Variants in NXN observed in about 807,000 individuals in gnomAD.
NXN encodes the protein nucleoredoxin 1.
A neutral mutation model predicts 48.6 loss-of-function variants in NXN; 16 were observed. The observed-to-expected ratio is 0.33, with a 90% CI of 0.22 to 0.50. NXN has a LOEUF of 0.50. Among genes scored for constraint, NXN ranks in the 20% least tolerant of loss-of-function variants. The pLI is 0.98. For missense variants in NXN, 492 were observed against 605.5 expected, an observed-to-expected ratio of 0.81 and a Z score of 1.97; for synonymous variants, 281 against 269.6, an observed-to-expected ratio of 1.04 and a Z score of -0.41.
intron 1 of NXN, among the ~76,000 whole-genome samples, chr17:863,180 T>C (rs1260618733): frequency 6.6e-6 from 1 of 151,294 alleles, no homozygotes; most frequent in East Asian, 1.9e-4. Flanking sequence ...CTGTCTTCTT[T>C]GTTTTTTTGA....
rs1324024865 is a variant in NXN at position 825,837 on chromosome 17, C to G, written c.478+124G>C. 5 of 659,510 alleles carry G rather than the reference C, an allele frequency of 7.6e-6. No individual in the cohort carries two copies. Among genetic ancestry groups the G allele is most frequent in the Admixed American group, 5.5e-5 (2 of 36,176 alleles). The allele number at this position is 659,510 out of a possible 1,614,324, so 40.9% of individuals were successfully genotyped here. On this transcript the variant is annotated intron_variant, in intron 2 of 7. Coordinates refer to ENST00000336868, the MANE Select transcript of NXN (RefSeq NM_022463.5). The surrounding 1 kb of genome is among the most constrained non-coding windows in gnomAD (Gnocchi z 4.1). ...TTCACCAAGACGACATTCTCTACCA[C>G]GTAAACCCACGTGTATCTATTTCAC... is the stretch of plus-strand genomic sequence containing the variant.
At chr17:946,754 C>G (rs2069048781) in intron 1 of NXN, among the ~76,000 whole-genome samples, 1 of 152,248 alleles carries the variant, frequency 6.6e-6, no homozygotes. Context: ...GCCAGCACAT[C>G]TCCGCATCGC....
intron 1 of NXN, chr17:863,942 A>G: frequency 6.6e-7 from 1 of 1,520,552 alleles, no homozygotes; most frequent in Non-Finnish European, 8.8e-7. Context: ...CCAGATCAGC[A>G]GCAGCAATGC....
intron 1 of NXN, among the ~76,000 whole-genome samples, chr17:928,877 T>G (rs191391959): frequency 2.4e-4 from 36 of 152,160 alleles, no homozygotes; most frequent in African/African-American, 8.4e-4. Context: ...AGAATACCGC[T>G]CACATGTGCA....
chr17:901,472 G>C (rs2068537185), intron 1 of NXN, among the ~76,000 whole-genome samples: 1 of 152,128 alleles, frequency 6.6e-6, no homozygotes, highest in African/African-American at 2.4e-5. Context: ...TGACTCAAAT[G>C]CTTCAGCTGC....
At chr17:839,513 G>C (rs1212638643) in intron 1 of NXN, among the ~76,000 whole-genome samples, 1 of 151,496 alleles carries the variant, frequency 6.6e-6, no homozygotes, top group Non-Finnish European at 1.5e-5. Flanking sequence ...GAGGATATCT[G>C]AAAAGAAAAA....
At chr17:876,213 G>GA (rs2068213423) in intron 1 of NXN, among the ~76,000 whole-genome samples, 1 of 146,532 alleles carries the variant, frequency 6.8e-6, no homozygotes, top group Non-Finnish European at 1.5e-5. Context: ...AGAAAGAAAA[G>GA]AAAAGAGAAA....
rs532645406 is a variant in NXN at position 978,001 on chromosome 17, C to G, written c.360+1318G>C. 2.0e-5 allele frequency among the ~76,000 whole-genome samples: 3 copies of G among 152,314 alleles called. No homozygotes were observed. Among genetic ancestry groups the G allele is most frequent in the South Asian group, 2.1e-4 (1 of 4,822 alleles). On this transcript the variant is annotated intron_variant, in intron 1 of 7. Coordinates refer to ENST00000336868, the MANE Select transcript of NXN (RefSeq NM_022463.5). This position sits in a 1 kb window ranked among gnomAD's most constrained non-coding sequence, Gnocchi z 4.1. The stretch of plus-strand genomic sequence containing the variant: ...CAACTGTATTTCATACTTTAAATCT[C>G]GAATCTCTACCTCCCACTGCTTCGG...
intron 1 of NXN, among the ~76,000 whole-genome samples, chr17:847,650 T>C (rs60451600): frequency 0.015 from 2,224 of 152,170 alleles, 62 homozygotes; most frequent in African/African-American, 0.051. Context: ...GTACCAAAGA[T>C]GCCTTTATAT....
intron 1 of NXN, among the ~76,000 whole-genome samples, chr17:828,941 C>T (rs552510504): frequency 5.3e-5 from 8 of 151,894 alleles, no homozygotes; most frequent in Non-Finnish European, 1.0e-4. Context: ...GGAAAAAAGT[C>T]GGGAAACAGC....
At chr17:802,728 C>T (rs1446503522) in intron 7 of NXN, among the ~76,000 whole-genome samples, 1 of 152,164 alleles carries the variant, frequency 6.6e-6, no homozygotes, top group East Asian at 1.9e-4. Context: ...TGACTGGAGC[C>T]GCCTGGGAAG....
intron 1 of NXN, among the ~76,000 whole-genome samples, chr17:924,395 G>A (rs114740582): frequency 0.012 from 1,770 of 152,212 alleles, 30 homozygotes; most frequent in African/African-American, 0.04. Flanking sequence ...GAGCCACTAC[G>A]TCCGGCTAAT....
At chr17:876,041 C>T (rs1306736626) in intron 1 of NXN, among the ~76,000 whole-genome samples, 4 of 151,878 alleles carry the variant, frequency 2.6e-5, no homozygotes, top group African/African-American at 7.3e-5. Flanking sequence ...ATTAGCCGGG[C>T]GTGGTGGCGT....
chr17:866,238 C>A (rs1033324464), intron 1 of NXN, among the ~76,000 whole-genome samples: 1 of 151,960 alleles, frequency 6.6e-6, no homozygotes, highest in East Asian at 1.9e-4. Context: ...ACAGACAATA[C>A]CCGTCACATA....
intron 1 of NXN, among the ~76,000 whole-genome samples, chr17:951,600 T>C (rs954599821): frequency 6.6e-6 from 1 of 151,708 alleles, no homozygotes; most frequent in African/African-American, 2.4e-5. Context: ...GTCTGTCAGC[T>C]GTGTGGAGAC....
At position 805,087 on chromosome 17, in the gene NXN, G is replaced by A; in HGVS notation, c.981C>T (p.Pro327=). The A allele has an allele frequency of 6.2e-7, 1 of 1,602,906 alleles. No homozygotes were observed. The highest frequency in any genetic ancestry group is 1.1e-5 in the South Asian group (1 of 89,366). The change falls in exon 6 of 8, where the codon CCC becomes CCT. Residue 327 remains proline (P), a synonymous_variant. Transcript: ENST00000336868. ...DSNAAQLNEG[P]CLVLFVDSED... ...TCATACCTACAAAAAGGACGAGGCAGGGGCCCTCGTTAAGCTGCGCGGCGT... is the reference window on the plus strand; with the variant it reads ...TCATACCTACAAAAAGGACGAGGCAAGGGCCCTCGTTAAGCTGCGCGGCGT...
At chr17:914,318 C>T (rs940465864) in intron 1 of NXN, among the ~76,000 whole-genome samples, 9 of 138,764 alleles carry the variant, frequency 6.5e-5, no homozygotes, top group African/African-American at 2.4e-4. Context: ...TACAGGCACC[C>T]GCCACCACGC....
chr17:827,747 C>T (rs1913210021), intron 1 of NXN, among the ~76,000 whole-genome samples: 1 of 152,224 alleles, frequency 6.6e-6, no homozygotes, highest in Non-Finnish European at 1.5e-5. Context: ...CTGCTGGGGG[C>T]TTGAGGGTCC....
intron 5 of NXN, among the ~76,000 whole-genome samples, 197 bp from the exon 6 acceptor site, chr17:805,444 T>C (rs1335713059): frequency 6.6e-6 from 1 of 152,146 alleles, no homozygotes; most frequent in African/African-American, 2.4e-5. Context: ...GGGGGAGCCA[T>C]GGAACCCCCT....
Sources: gnomAD v4.1 joint callset for allele counts (sites outside exome capture counted in the v4.1 genomes callset) on GRCh38, gnomAD v4.1.1 for gene constraint, Gnocchi (gnomAD v3.1) non-coding constraint, MANE v1.5 for transcripts, NCBI Gene and HGNC (gene_info 2026-07-23, HGNC 2026-07-21) for gene names.